Variants in GPM6B observed in about 807,000 individuals in gnomAD.
GPM6B encodes the protein neuronal membrane glycoprotein M6-b.
GPM6B carries 4 observed loss-of-function variants against 27.2 expected under a neutral mutation model. That is an observed-to-expected ratio of 0.15 (90% confidence interval 0.07 to 0.34). The LOEUF (loss-of-function observed/expected upper bound fraction) is 0.34. Among genes scored for constraint, GPM6B ranks in the 10% least tolerant of loss-of-function variants. GPM6B has a pLI of 1.00. For synonymous variants in GPM6B, 124 were observed against 103.1 expected, an observed-to-expected ratio of 1.20 and a Z score of -1.23; for missense variants, 183 against 261.9, an observed-to-expected ratio of 0.70 and a Z score of 2.08.
At chrX:13,812,348 C>A (rs2049153690) in intron 1 of GPM6B, among the ~76,000 whole-genome samples, 2 of 111,762 alleles carry the variant, frequency 1.8e-5, no homozygotes, top group South Asian at 7.4e-4. Flanking sequence ...CCACCACACC[C>A]GGCAGAGAAC....
chrX:13,872,129 A>C (rs2049984564), intron 1 of GPM6B, among the ~76,000 whole-genome samples: 1 of 98,791 alleles, frequency 1.0e-5, no homozygotes, highest in Admixed American at 1.1e-4. Flanking sequence ...GCAGAATAGG[A>C]GTGCTGGGGA....
At chrX:13,887,435 A>G (rs1178808808) in intron 1 of GPM6B, among the ~76,000 whole-genome samples, 3 of 111,809 alleles carry the variant, frequency 2.7e-5, no homozygotes, top group Non-Finnish European at 3.8e-5. Context: ...CGTCCACAGG[A>G]AAGTCTCAGA....
intron 1 of GPM6B, among the ~76,000 whole-genome samples, chrX:13,922,815 A>G (rs766492074): frequency 8.9e-6 from 1 of 112,649 alleles, no homozygotes; most frequent in Non-Finnish European, 1.9e-5. Flanking sequence ...AGACAGAAAC[A>G]TATGACAAAA....
intron 1 of GPM6B, among the ~76,000 whole-genome samples, chrX:13,848,157 C>T (rs2049672246): frequency 8.9e-6 from 1 of 111,925 alleles, no homozygotes; most frequent in Admixed American, 9.5e-5. Flanking sequence ...GGGCATCTGG[C>T]ACTCAGTGAC....
At position 13,811,409 on chromosome X, in the gene GPM6B, A is replaced by C. The variant is rs1479023751; in HGVS notation, c.62-3640T>G. On this transcript the variant is annotated intron_variant, in intron 1 of 7. Coordinates refer to ENST00000316715, the MANE Select transcript of GPM6B (RefSeq NM_001001995.3). ...ACTAAGTGACAAACACTGAGCTTCCAAGAAAGACCATATTCACTGAGCAAG... is the reference window on the plus strand; with the variant it reads ...ACTAAGTGACAAACACTGAGCTTCCCAGAAAGACCATATTCACTGAGCAAG... 9.8e-5 allele frequency among the ~76,000 whole-genome samples: 11 copies of C among 112,812 alleles called. No individual in the cohort carries two copies. In the East Asian group the frequency reaches 3.0e-3, roughly 31 times the overall value.
At chrX:13,817,413 G>T, upstream of GPM6B, 1 of 719,247 alleles carries the variant, frequency 1.4e-6, no homozygotes, top group East Asian at 1.5e-4. Context: ...CAGAGGAGGG[G>T]ATGTGAAGGA....
chrX:13,828,481 G>A (rs867056441), intron 1 of GPM6B, among the ~76,000 whole-genome samples: 12 of 111,433 alleles, frequency 1.1e-4, no homozygotes, highest in African/African-American at 3.9e-4. Flanking sequence ...CTCCGTAACT[G>A]TAAGAAATAA....
intron 1 of GPM6B, among the ~76,000 whole-genome samples, chrX:13,921,318 C>G (rs1301156946): frequency 4.5e-5 from 5 of 112,150 alleles, no homozygotes; most frequent in Non-Finnish European, 9.4e-5. Context: ...AGCCCAAATC[C>G]CAAACCTTCC....
chrX:13,808,008 T>C (rs1041360453), intron 1 of GPM6B, among the ~76,000 whole-genome samples: 1 of 112,402 alleles, frequency 8.9e-6, no homozygotes, highest in Non-Finnish European at 1.9e-5. Context: ...ACACACACCA[T>C]ATCCTGCTTC....
In GPM6B at chrX:13,876,929, G is replaced by A. The variant is rs747092254; in HGVS notation, c.-198+61398C>T. Among the ~76,000 whole-genome samples the A allele has an allele frequency of 6.3e-5, 7 of 111,099 alleles. No homozygotes were observed. The East Asian group carries it at 1.4e-3, about 22-fold the overall frequency. On this transcript the variant is annotated intron_variant, in intron 1 of 6. Coordinates refer to the GPM6B transcript ENST00000398361. The stretch of plus-strand genomic sequence containing the variant: ...ATTTGGGAACACCATCTCAACTCCC[G>A]AATTTGGGGGCAGGGCTGTAGTTCA...
chrX:13,829,164 C>T (rs188279732), intron 1 of GPM6B, among the ~76,000 whole-genome samples: 1 of 111,557 alleles, frequency 9.0e-6, no homozygotes, highest in East Asian at 2.8e-4. Flanking sequence ...TCTGGAGTTC[C>T]CCTTCAAACT....
In GPM6B at chrX:13,771,921, A is replaced by G. The variant is rs2048306238; in HGVS notation, c.*960T>C. 8.9e-6 allele frequency: 1 copy of G among 112,450 alleles called. No individual in the cohort carries two copies. 9.3% of individuals were successfully genotyped at this position (112,450 alleles called of 1,213,427 possible). ...GTTAGAGGTCTGTGGTCAATTTGCA[A>G]TTAGGTTTTAGATAGTTGGTATGAA... On this transcript the variant is annotated 3_prime_UTR_variant, in exon 8 of 8. Coordinates refer to ENST00000316715, the MANE Select transcript of GPM6B (RefSeq NM_001001995.3).
intron 1 of GPM6B, among the ~76,000 whole-genome samples, chrX:13,920,760 G>A (rs1222016675): frequency 1.3e-4 from 14 of 109,295 alleles, no homozygotes; most frequent in African/African-American, 2.0e-4. Flanking sequence ...GTGTGGTGGC[G>A]GGCGCCTGCA....
intron 1 of GPM6B, among the ~76,000 whole-genome samples, chrX:13,932,442 GTTGT>G (rs900153871): frequency 1.8e-5 from 2 of 112,291 alleles, no homozygotes; most frequent in African/African-American, 6.5e-5. Context: ...TTTTATTATA[GTTGT>G]TTATCTGCCT....
intron 2 of GPM6B, among the ~76,000 whole-genome samples, chrX:13,795,441 A>T (rs2048792064): frequency 9.0e-6 from 1 of 111,673 alleles, no homozygotes; most frequent in Admixed American, 9.5e-5. Context: ...TTCTCCAAGC[A>T]CATACCTGTG....
intron 1 of GPM6B, among the ~76,000 whole-genome samples, chrX:13,911,389 C>T (rs1473212105): frequency 1.8e-5 from 2 of 111,934 alleles, no homozygotes; most frequent in Non-Finnish European, 3.8e-5. Flanking sequence ...TGGCTACAGA[C>T]AAATGCTGTC....
chrX:13,903,949 A>G (rs768491877), intron 1 of GPM6B, among the ~76,000 whole-genome samples: 1 of 110,917 alleles, frequency 9.0e-6, no homozygotes, highest in South Asian at 3.9e-4. Flanking sequence ...GGAGAGGGAT[A>G]GGATCATTTG....
At chrX:13,815,823 T>G (rs1185796326) in intron 1 of GPM6B, among the ~76,000 whole-genome samples, 1 of 112,253 alleles carries the variant, frequency 8.9e-6, no homozygotes, top group African/African-American at 3.2e-5. Context: ...TCAGCCTGTA[T>G]CTTTATAAAT....
Position 13,773,953 on chromosome X carries a change from C to CTTTT in GPM6B, c.838-927_838-924dup, listed in dbSNP as rs772367299. ...AAAAAAAACTACCCACATATAAATCCTTTTTTTTTTTTTTTTTTTTTTTTT... is the reference window on the plus strand; with the variant it reads ...AAAAAAAACTACCCACATATAAATCCTTTTTTTTTTTTTTTTTTTTTTTTTTTTT... On this transcript the variant is annotated intron_variant, in intron 7 of 7. Coordinates refer to ENST00000316715, the MANE Select transcript of GPM6B (RefSeq NM_001001995.3). The CTTTT allele has an allele frequency of 7.6e-4, 330 of 436,093 alleles. 5 individuals are homozygous for CTTTT. The highest frequency in any genetic ancestry group is 2.6e-3 in the African/African-American group (56 of 21,262). 35.9% of individuals were successfully genotyped at this position (436,093 alleles called of 1,213,427 possible).
Sources: allele counts gnomAD v4.1 joint callset (sites outside exome capture counted in the v4.1 genomes callset), GRCh38; gene constraint gnomAD v4.1.1; transcripts MANE v1.5; gene names NCBI Gene and HGNC (gene_info 2026-07-23, HGNC 2026-07-21).